Variants in HOXC4 observed in about 807,000 individuals in gnomAD.
HOXC4 encodes the protein homeobox C4, also known as homeobox protein Hox-C4.
HOXC4 carries 15 observed loss-of-function variants against 25.5 expected under a neutral mutation model. The ratio of observed to expected loss-of-function variants is 0.59; its 90% CI spans 0.39 to 0.91. HOXC4 has a LOEUF of 0.91. Among genes scored for constraint, HOXC4 ranks in the 40% least tolerant of loss-of-function variants. The pLI, the probability that HOXC4 is intolerant of heterozygous loss-of-function variation, is 0.00. For synonymous variants in HOXC4, 165 were observed against 148.0 expected (o/e 1.11, Z -0.83); for missense variants, 342 against 352.4 (o/e 0.97, Z 0.24).
intron 1 of HOXC4, among the ~76,000 whole-genome samples, chr12:54,018,071 G>C (rs943711607): frequency 1.3e-5 from 2 of 152,160 alleles, no homozygotes; most frequent in African/African-American, 4.8e-5. Context: ...GCCGAGAGGA[G>C]AGCGTCTGCC....
At chr12:54,052,640 C>G (rs966004473), upstream of HOXC4, among the ~76,000 whole-genome samples, 13 of 151,974 alleles carry the variant, frequency 8.6e-5, no homozygotes, top group East Asian at 1.9e-4. Flanking sequence ...CCTGTCACCC[C>G]CCTCCATCAG....
At chr12:54,020,667 T>C (rs1940394783) in intron 1 of HOXC4, 1 of 152,228 alleles carries the variant, frequency 6.6e-6, no homozygotes, top group Non-Finnish European at 1.5e-5. Flanking sequence ...TTTATGTTCA[T>C]GCAAAATTTT....
At chr12:54,042,734 G>A (rs775321972) in intron 1 of HOXC4, among the ~76,000 whole-genome samples, 12 of 152,136 alleles carry the variant, frequency 7.9e-5, no homozygotes, top group Non-Finnish European at 1.0e-4. Flanking sequence ...GCCAAACTAG[G>A]GTTTTGGGGT....
intron 1 of HOXC4, among the ~76,000 whole-genome samples, chr12:54,036,130 G>A (rs997622093): frequency 2.6e-5 from 4 of 152,152 alleles, no homozygotes; most frequent in Non-Finnish European, 4.4e-5. Context: ...GTGGGGGTGG[G>A]AGGAGGCAGA....
intron 1 of HOXC4, among the ~76,000 whole-genome samples, chr12:54,032,609 T>G (rs1187630801): frequency 6.6e-6 from 1 of 152,176 alleles, no homozygotes; most frequent in Non-Finnish European, 1.5e-5. Flanking sequence ...GGGCCTCGTC[T>G]TTTCCCAATT....
chr12:54,029,048 C>T (rs899459501), intron 1 of HOXC4: 8 of 900,616 alleles, frequency 8.9e-6, no homozygotes. Context: ...GTCTCCTCAC[C>T]GAGACAGGGC....
At chr12:54,034,983 A>T (rs996632211) in intron 1 of HOXC4, 1 of 175,730 alleles carries the variant, frequency 5.7e-6, no homozygotes, top group African/African-American at 2.4e-5. Flanking sequence ...GCTTCCTTGT[A>T]GCGACTAAAC....
rs1036173629 is a variant in HOXC4, at chr12:54,033,405, A to G, written c.-124+15991A>G. 17 of 1,611,224 alleles carry G rather than the reference A, an allele frequency of 1.1e-5. No individual in the cohort carries two copies. The African/African-American group carries it at 2.3e-4, about 22-fold the overall frequency. On this transcript the variant is annotated intron_variant, in intron 1 of 3. Transcript: ENST00000303406. The stretch of plus-strand genomic sequence containing the variant: ...GGGCAGAGACGAAGCGGCTCCTCTG[A>G]ACCCCGGGATGTACAGTCAGAAGGC...
chr12:54,026,938 C>T (rs1940732373), intron 1 of HOXC4, among the ~76,000 whole-genome samples: 1 of 140,156 alleles, frequency 7.1e-6, no homozygotes, highest in Admixed American at 7.1e-5. Context: ...GCCAGCTTTC[C>T]CCCCCCCCAA....
intron 1 of HOXC4, chr12:54,028,859 C>T: frequency 6.2e-7 from 1 of 1,613,990 alleles, no homozygotes; most frequent in East Asian, 2.2e-5. Flanking sequence ...AGGACTGCGC[C>T]CCAGGACCAG....
intron 1 of HOXC4, chr12:54,034,325 C>T (rs1055655059): frequency 6.2e-7 from 1 of 1,614,220 alleles, no homozygotes; most frequent in Non-Finnish European, 8.5e-7. Context: ...CTACCAGACT[C>T]TGGAACTCGA....
At chr12:54,029,632 G>T in intron 1 of HOXC4, 2 of 1,604,438 alleles carry the variant, frequency 1.2e-6, no homozygotes, top group Middle Eastern at 1.7e-4. Context: ...TGCTTTTAGT[G>T]TGTTTTGTGC....
At chr12:54,052,255 A>G (rs906524361), upstream of HOXC4, among the ~76,000 whole-genome samples, 1 of 152,206 alleles carries the variant, frequency 6.6e-6, no homozygotes, top group Non-Finnish European at 1.5e-5. Context: ...AGTGCGGGCG[A>G]TTCCGCGAGA....
Position 54,053,979 on chromosome 12 carries a change from A to G in HOXC4, c.57A>G (p.Pro19=), listed in dbSNP as rs1565754474. Residue 19 remains proline (P), a synonymous_variant, in exon 1 of 2, where the codon CCA becomes CCG. Transcript: ENST00000430889. ...DSNYIDPKFP[P]CEEYSQNSYI... is the part of the protein sequence containing the mutation. ...ACTACATCGATCCGAAATTTCCTCCATGCGAAGAATATTCGCAAAATAGCT... is the reference window on the plus strand; with the variant it reads ...ACTACATCGATCCGAAATTTCCTCCGTGCGAAGAATATTCGCAAAATAGCT... The G allele has an allele frequency of 6.2e-7, 1 of 1,614,104 alleles. No homozygotes were observed. The highest frequency in any genetic ancestry group is 8.5e-7 in the Non-Finnish European group (1 of 1,179,978).
intron 1 of HOXC4, chr12:54,029,998 C>G: frequency 6.8e-7 from 1 of 1,466,448 alleles, no homozygotes; most frequent in Non-Finnish European, 9.1e-7. Context: ...CTCCCTTTCT[C>G]CCTCGCTCCC....
At chr12:54,024,655 GGTCCA>G (rs1298545246) in intron 1 of HOXC4, among the ~76,000 whole-genome samples, 1 of 152,130 alleles carries the variant, frequency 6.6e-6, no homozygotes, top group African/African-American at 2.4e-5. Context: ...CTTCAGGCTG[GGTCCA>G]GTCCCACCCA....
intron 1 of HOXC4, chr12:54,032,972 C>G: frequency 1.5e-6 from 1 of 663,496 alleles, no homozygotes; most frequent in Non-Finnish European, 2.5e-6. Flanking sequence ...TTTAAGGCTC[C>G]CTTATTTGGG....
At chr12:54,044,500 G>A (rs116268106) in intron 1 of HOXC4, among the ~76,000 whole-genome samples, 2,162 of 152,176 alleles carry the variant, frequency 0.014, 66 homozygotes, top group African/African-American at 0.049. Flanking sequence ...TTCTGTTCTG[G>A]GGCTGATCTC....
At chr12:54,019,021 T>A (rs939370037) in intron 1 of HOXC4, among the ~76,000 whole-genome samples, 1 of 152,126 alleles carries the variant, frequency 6.6e-6, no homozygotes, top group Non-Finnish European at 1.5e-5. Flanking sequence ...ATCAAACCGT[T>A]TGGGCCAGAG....
Sources: allele counts gnomAD v4.1 joint callset (sites outside exome capture counted in the v4.1 genomes callset), GRCh38; gene constraint gnomAD v4.1.1; transcripts MANE v1.5; gene names NCBI Gene and HGNC (gene_info 2026-07-23, HGNC 2026-07-21).